DNAJC21: variants seen among roughly 807,000 people sequenced by gnomAD.
DNAJC21 encodes the protein dnaJ homolog subfamily C member 21.
DNAJC21 carries 63 observed loss-of-function variants against 72.4 expected under a neutral mutation model. The ratio of observed to expected loss-of-function variants is 0.87; its 90% CI spans 0.71 to 1.07. The LOEUF is 1.07. Among genes scored for constraint, DNAJC21 ranks in the 50% least tolerant of loss-of-function variants. DNAJC21 has a pLI of 0.00. For missense variants in DNAJC21, 634 were observed against 644.8 expected, an observed-to-expected ratio of 0.98 and a Z score of 0.18; for synonymous variants, 203 against 216.7, an observed-to-expected ratio of 0.94 and a Z score of 0.56.
chr5:34,947,726 A>G (rs1338955154), intron 9 of DNAJC21, among the ~76,000 whole-genome samples: 2 of 146,472 alleles, frequency 1.4e-5, no homozygotes, highest in Non-Finnish European at 3.0e-5. Flanking sequence ...GTGGAAGATC[A>G]TTTAATCATA....
chr5:34,937,265 T>G (rs1764809822), intron 4 of DNAJC21, 61 bp from the exon 5 acceptor site: 1 of 1,519,130 alleles, frequency 6.6e-7, no homozygotes, highest in Non-Finnish European at 8.8e-7. Flanking sequence ...CAGTAATATT[T>G]ACTGCTTTTC....
At chr5:34,938,109 T>C (rs948889841) in intron 5 of DNAJC21, among the ~76,000 whole-genome samples, 5 of 152,208 alleles carry the variant, frequency 3.3e-5, no homozygotes, top group African/African-American at 7.2e-5. Flanking sequence ...AAAATTTTTA[T>C]TTGAATTGGA....
chr5:34,937,101 TC>T (rs1415278801), intron 4 of DNAJC21, among the ~76,000 whole-genome samples: 1 of 152,176 alleles, frequency 6.6e-6, no homozygotes, highest in Admixed American at 6.5e-5. Flanking sequence ...ATCACCATGG[TC>T]CCATCTAGTG....
rs1264223691 is a variant in DNAJC21 at position 34,929,777 on chromosome 5, C to T, written c.-43C>T. The T allele has an allele frequency of 6.1e-6, 7 of 1,145,560 alleles. No homozygotes were observed. Among genetic ancestry groups the T allele is most frequent in the Admixed American group, 8.0e-5 (2 of 25,080 alleles). 71.0% of individuals were successfully genotyped at this position (1,145,560 alleles called of 1,614,324 possible). A position where few individuals can be genotyped will look rare whatever the true frequency, so the allele number is the denominator to read the frequency against. On this transcript the variant is annotated 5_prime_UTR_variant, in exon 1 of 12. Transcript: ENST00000648817. ...GCTTCGGCCCGGGCCCGGGCCCCGA[C>T]CCCGTCCCGGGCCCCAGCGCCGGCC...
chr5:34,947,654 ATG>A lies in DNAJC21; in HGVS notation c.1185+1853_1185+1854del, dbSNP rs1491208890. ...TCAGTGTAGACATGCAGTTTTCACC[ATG>A]TTTTTTTTTTTTTTTTTGAAGAGAT... On this transcript the variant is annotated intron_variant, in intron 9 of 11. Coordinates refer to ENST00000648817, the MANE Select transcript of DNAJC21 (RefSeq NM_001012339.3). Among the ~76,000 whole-genome samples the A allele has an allele frequency of 8.6e-3, 887 of 103,410 alleles. 15 individuals are homozygous for A. The highest frequency in any genetic ancestry group is 0.015 in the Non-Finnish European group (670 of 44,778). 67.8% of individuals were successfully genotyped at this position (103,410 alleles called of 152,430 possible).
Position 34,954,619 on chromosome 5 carries a change from C to T in DNAJC21, c.1501C>T (p.Leu501=), listed in dbSNP as rs1235729363. Residue 501 remains leucine, a synonymous_variant, in exon 12 of 12, where the codon CTA becomes TTA. Coordinates refer to ENST00000648817, the MANE Select transcript of DNAJC21 (RefSeq NM_001012339.3). ...ATCTCGGAATAAACTTTTTGACCAT[C>T]TAAAGGCCACAGGTCATGCAAGAGC... ...FPSRNKLFDH[L]KATGHARAPS... 4 of 1,613,480 alleles carry T rather than the reference C, an allele frequency of 2.5e-6. No individual in the cohort carries two copies. The African/African-American group carries it at 5.3e-5, about 22-fold the overall frequency.
Position 34,937,623 on chromosome 5 carries a change from C to G in DNAJC21, c.736C>G (p.Gln246Glu). The change falls in exon 5 of 12, where the codon CAG becomes GAG. Residue 246 changes from glutamine (Q) to glutamate (E), a missense_variant. Coordinates refer to ENST00000648817, the MANE Select transcript of DNAJC21 (RefSeq NM_001012339.3). Reference protein sequence around the residue: ...EEMRRQQKLKQAKLVEQYREQ... With the variant: ...EEMRRQQKLKEAKLVEQYREQ... ...GATGAGGCGGCAGCAGAAGCTAAAG[C>G]AGGCCAAGTGCGTAGCGTGCGTGGG... The G allele has an allele frequency of 6.2e-7, 1 of 1,612,014 alleles. No homozygotes were observed. The highest frequency in any genetic ancestry group is 8.5e-7 in the Non-Finnish European group (1 of 1,178,860).
At chr5:34,948,773 G>A (rs1561190622) in intron 9 of DNAJC21, among the ~76,000 whole-genome samples, 1 of 152,106 alleles carries the variant, frequency 6.6e-6, no homozygotes, top group Non-Finnish European at 1.5e-5. Context: ...CCTGAGGCAG[G>A]AGAATCGTTG....
In DNAJC21 at chr5:34,956,979, A is replaced by C. The variant is rs1419527268; in HGVS notation, c.*2265A>C. 2 of 152,208 alleles carry C rather than the reference A, an allele frequency of 1.3e-5. No homozygotes were observed. The highest frequency in any genetic ancestry group is 2.9e-5 in the Non-Finnish European group (2 of 68,040). The allele number at this position is 152,208 out of a possible 1,614,324, so 9.4% of individuals were successfully genotyped here. ...CTTTTTAAACACAAAAGCTTTATAC[A>C]AAATATTGTTGAATTTAAATAAGGT... On this transcript the variant is annotated 3_prime_UTR_variant, in exon 12 of 12. Coordinates refer to ENST00000648817, the MANE Select transcript of DNAJC21 (RefSeq NM_001012339.3).
intron 2 of DNAJC21, among the ~76,000 whole-genome samples, chr5:34,934,616 T>C (rs1764708466): frequency 6.6e-6 from 1 of 152,216 alleles, no homozygotes; most frequent in Non-Finnish European, 1.5e-5. Flanking sequence ...CTGTGACAGA[T>C]ATTACTAATG....
At chr5:34,948,599 G>T (rs35223036) in intron 9 of DNAJC21, among the ~76,000 whole-genome samples, 11,003 of 152,314 alleles carry the variant, frequency 0.072, 565 homozygotes, top group Non-Finnish European at 0.11. Context: ...AGGTGCGGTG[G>T]CTCACGCCTG....
At chr5:34,952,973 AC>A (rs1765426676) in intron 10 of DNAJC21, among the ~76,000 whole-genome samples, 1 of 151,944 alleles carries the variant, frequency 6.6e-6, no homozygotes, top group South Asian at 2.1e-4. Context: ...ATATGGTAAA[AC>A]CCTGTCTCTA....
At chr5:34,937,678 A>G (rs769216672) in intron 5 of DNAJC21, 48 bp downstream of exon 5, 1 of 1,559,698 alleles carries the variant, frequency 6.4e-7, no homozygotes. Context: ...TGGGGGTCAG[A>G]GGCAGCACCA....
chr5:34,936,528 C>T (rs1478849816), intron 4 of DNAJC21, among the ~76,000 whole-genome samples: 2 of 152,114 alleles, frequency 1.3e-5, no homozygotes, highest in African/African-American at 4.8e-5. Flanking sequence ...CTAAGTTTCC[C>T]AGGCTGATCT....
At chr5:34,934,909 G>C (rs1342427021) in intron 2 of DNAJC21, among the ~76,000 whole-genome samples, 4 of 152,154 alleles carry the variant, frequency 2.6e-5, no homozygotes, top group African/African-American at 9.7e-5. Flanking sequence ...CTCTACTCAA[G>C]GAATTTGGAG....
Position 34,958,940 on chromosome 5 carries a change from TTAA to T in DNAJC21, c.*4230_*4232del, listed in dbSNP as rs1765608837. On this transcript the variant is annotated 3_prime_UTR_variant, in exon 12 of 12. Coordinates refer to ENST00000648817, the MANE Select transcript of DNAJC21 (RefSeq NM_001012339.3). ...TTTACAAATCTCTTTAACATTTAGC[TTAA>T]TAAAAGATAGCTGGCCTCTCATACC... The T allele has an allele frequency of 6.6e-6, 1 of 152,232 alleles. No individual in the cohort carries two copies. The allele number at this position is 152,232 out of a possible 1,614,324, so 9.4% of individuals were successfully genotyped here. A position where few individuals can be genotyped will look rare whatever the true frequency, so the allele number is the denominator to read the frequency against.
chr5:34,951,610 C>T (rs1288307713), intron 10 of DNAJC21: 7 of 954,564 alleles, frequency 7.3e-6, no homozygotes, highest in African/African-American at 1.8e-5. Flanking sequence ...TCACTGCAAC[C>T]TCCGCCTCCT....
chr5:34,930,513 C>T (rs1764554419), intron 1 of DNAJC21, among the ~76,000 whole-genome samples: 2 of 151,908 alleles, frequency 1.3e-5, no homozygotes, highest in Admixed American at 1.3e-4. Context: ...ATGATTCTGC[C>T]GGGGAAGGTT....
chr5:34,943,240 C>G (rs1765058596), intron 7 of DNAJC21, among the ~76,000 whole-genome samples: 1 of 152,202 alleles, frequency 6.6e-6, no homozygotes. Flanking sequence ...AGAATGCAGT[C>G]TAAGAACATA....
Sources: gnomAD v4.1 joint callset for allele counts (sites outside exome capture counted in the v4.1 genomes callset) on GRCh38, gnomAD v4.1.1 for gene constraint, MANE v1.5 for transcripts, NCBI Gene and HGNC (gene_info 2026-07-23, HGNC 2026-07-21) for gene names.